The following CSMD1 variants were observed in gnomAD, a reference collection of about 807,000 sequenced individuals.
CSMD1 encodes CUB and sushi domain-containing protein 1.
A neutral mutation model predicts 417.5 loss-of-function variants in CSMD1; 213 were observed. The observed-to-expected ratio is 0.51, with a 90% confidence interval of 0.46 to 0.57. The LOEUF (loss-of-function observed/expected upper bound fraction) is 0.57, where lower values mean the gene tolerates loss of function less well. Ranked by LOEUF, CSMD1 falls within the 20% of genes least tolerant of loss-of-function variation. The pLI is 0.00. For missense variants in CSMD1, 6,923 were observed against 4,529.7 expected (o/e 1.53, Z -15.17); for synonymous variants, 2,862 against 1,736.8 (o/e 1.65, Z -16.11).
At chr8:3,167,661 C>T (rs1311197970) in intron 37 of CSMD1, among the ~76,000 whole-genome samples, 2 of 152,120 alleles carry the variant, frequency 1.3e-5, no homozygotes, top group African/African-American at 2.4e-5. Flanking sequence ...TTTTAAACCC[C>T]ATGAATCCAG....
At chr8:4,149,226 A>C (rs1310942170) in intron 3 of CSMD1, among the ~76,000 whole-genome samples, 1 of 152,078 alleles carries the variant, frequency 6.6e-6, no homozygotes, top group Non-Finnish European at 1.5e-5. Flanking sequence ...GGCCTCCCAA[A>C]CTGCTGAGAT....
At chr8:4,823,042 T>C (rs1298237659) in intron 1 of CSMD1, among the ~76,000 whole-genome samples, 1 of 152,100 alleles carries the variant, frequency 6.6e-6, no homozygotes, top group African/African-American at 2.4e-5. Flanking sequence ...ACTGTGTCTG[T>C]GAAATGCATT....
At chr8:3,067,326 T>G (rs1421247169) in intron 49 of CSMD1, among the ~76,000 whole-genome samples, 2 of 152,148 alleles carry the variant, frequency 1.3e-5, no homozygotes, top group African/African-American at 4.8e-5. Flanking sequence ...ATGCCCATCT[T>G]TTGACCTCGA....
chr8:3,494,193 A>G (rs1378648699), intron 10 of CSMD1, among the ~76,000 whole-genome samples: 1 of 152,230 alleles, frequency 6.6e-6, no homozygotes, highest in Non-Finnish European at 1.5e-5. Context: ...TTATGAGGAT[A>G]CAAAGCTCTC....
chr8:4,749,782 G>A (rs1312279907), intron 1 of CSMD1, among the ~76,000 whole-genome samples: 1 of 152,000 alleles, frequency 6.6e-6, no homozygotes, highest in East Asian at 1.9e-4. Context: ...AAATGTGTAA[G>A]TCTGGGCCTG....
intron 5 of CSMD1, among the ~76,000 whole-genome samples, chr8:3,768,232 A>G (rs1251822343): frequency 2.0e-5 from 3 of 152,184 alleles, no homozygotes; most frequent in African/African-American, 4.8e-5. Flanking sequence ...ACAGTGGCCA[A>G]TGGCAACAAG....
intron 13 of CSMD1, among the ~76,000 whole-genome samples, chr8:3,408,896 C>G (rs1423386185): frequency 1.3e-5 from 2 of 151,982 alleles, no homozygotes; most frequent in Non-Finnish European, 2.9e-5. Context: ...ACTTTTCAGC[C>G]TTTGCTATAG....
intron 11 of CSMD1, among the ~76,000 whole-genome samples, chr8:3,485,552 G>GAGAC (rs1563082992): frequency 6.6e-6 from 1 of 151,284 alleles, no homozygotes; most frequent in Non-Finnish European, 1.5e-5. Flanking sequence ...GAGAGAGAGA[G>GAGAC]AGAGAGAGAG....
At chr8:4,195,378 AT>A (rs1188304721) in intron 3 of CSMD1, among the ~76,000 whole-genome samples, 1 of 152,164 alleles carries the variant, frequency 6.6e-6, no homozygotes, top group African/African-American at 2.4e-5. Context: ...CTTCTATAAC[AT>A]TTTTTAAAAT....
At chr8:3,883,743 C>G (rs1037228473) in intron 5 of CSMD1, among the ~76,000 whole-genome samples, 15 of 152,110 alleles carry the variant, frequency 9.9e-5, no homozygotes, top group Non-Finnish European at 1.6e-4. Flanking sequence ...ATTGAAACAA[C>G]TGAAACCAGT....
intron 5 of CSMD1, among the ~76,000 whole-genome samples, chr8:3,765,442 T>C (rs1203709893): frequency 6.6e-6 from 1 of 152,206 alleles, no homozygotes; most frequent in Non-Finnish European, 1.5e-5. Flanking sequence ...ACTGTGTGTC[T>C]TACATTATTA....
chr8:3,013,720 C>G (rs985871610), intron 52 of CSMD1, among the ~76,000 whole-genome samples: 5 of 150,346 alleles, frequency 3.3e-5, no homozygotes, highest in Non-Finnish European at 7.4e-5. Flanking sequence ...CCACTGCACT[C>G]AGCCTGGGCA....
intron 4 of CSMD1, among the ~76,000 whole-genome samples, chr8:4,026,702 C>T (rs1319791964): frequency 6.6e-6 from 1 of 152,198 alleles, no homozygotes; most frequent in Non-Finnish European, 1.5e-5. Flanking sequence ...CAAATGCTAT[C>T]TGAGAGATCA....
intron 3 of CSMD1, among the ~76,000 whole-genome samples, chr8:4,413,855 G>C (rs13276932): frequency 0.023 from 3,562 of 152,236 alleles, 65 homozygotes; most frequent in Middle Eastern, 0.041. Context: ...AATGAGGAAG[G>C]AATGTGTTTA....
chr8:4,282,268 C>G, intron 3 of CSMD1, among the ~76,000 whole-genome samples: 1 of 152,188 alleles, frequency 6.6e-6, no homozygotes, highest in South Asian at 2.1e-4. Context: ...CCATGTGAAC[C>G]TGTCATTTTA....
At chr8:4,319,745 G>T (rs1361357317) in intron 3 of CSMD1, among the ~76,000 whole-genome samples, 6 of 152,032 alleles carry the variant, frequency 3.9e-5, no homozygotes, top group African/African-American at 7.2e-5. Context: ...CTTGCCGGGG[G>T]GCCAAAGGCT....
intron 8 of CSMD1, among the ~76,000 whole-genome samples, chr8:3,603,586 G>T (rs188167851): frequency 6.6e-6 from 1 of 152,092 alleles, no homozygotes; most frequent in African/African-American, 2.4e-5. Context: ...ATAAAAGACA[G>T]TTCTTTGTCT....
In CSMD1 at chr8:3,493,675, G is replaced by A. The variant is rs775196963; in HGVS notation, c.1396C>T (p.Leu466=). The A allele has an allele frequency of 5.0e-6, 8 of 1,612,444 alleles. No individual in the cohort carries two copies. In the South Asian group the frequency reaches 8.9e-5, roughly 18 times the overall value. The change falls in exon 11 of 70, where the codon CTG becomes TTG. Residue 466 remains leucine, a synonymous_variant. Transcript: ENST00000635120. ...ACCTTCCCAGCATCACCAACCGTCA[G>A]GGTGTCATAGCCTCGCTCCAGCTCA... ...EFELERGYDT[L]TVGDAGKVGD...
chr8:4,963,431 C>A (rs1809650555), intron 1 of CSMD1, among the ~76,000 whole-genome samples: 2 of 152,084 alleles, frequency 1.3e-5, no homozygotes, highest in African/African-American at 4.8e-5. Flanking sequence ...AACTCCTGAC[C>A]TCAAGCAATC....
Sources: allele counts gnomAD v4.1 joint callset (sites outside exome capture counted in the v4.1 genomes callset), GRCh38; gene constraint gnomAD v4.1.1; transcripts MANE v1.5; gene names NCBI Gene and HGNC (gene_info 2026-07-23, HGNC 2026-07-21).